The following AGO1 variants were observed in gnomAD, a reference collection of about 807,000 sequenced individuals.
The protein encoded by AGO1 is protein argonaute-1.
Under a neutral mutation model 109.2 loss-of-function variants are expected in AGO1, and 11 were observed. The ratio of observed to expected loss-of-function variants is 0.10; its 90% confidence interval spans 0.06 to 0.17. AGO1 has a LOEUF of 0.17. Among genes scored for constraint, AGO1 ranks in the 10% least tolerant of loss-of-function variants. AGO1 has a pLI of 1.00. For missense variants in AGO1, 574 were observed against 1,140.3 expected (o/e 0.50, Z 7.15); for synonymous variants, 422 against 418.6 (o/e 1.01, Z -0.10).
chr1:35,876,047 A>T (rs111959301), intron 1 of AGO1, among the ~76,000 whole-genome samples: 91 of 152,292 alleles, frequency 6.0e-4, no homozygotes, highest in African/African-American at 2.1e-3. Flanking sequence ...TCATGGGAGG[A>T]GGTCCAAATA....
rs1233660586 is a variant in AGO1, at chr1:35,928,260, TG to T, written c.*8654del. The T allele has an allele frequency of 6.6e-6, 1 of 152,230 alleles. No individual in the cohort carries two copies. The highest frequency in any genetic ancestry group is 1.5e-5 in the Non-Finnish European group (1 of 68,062). 9.4% of individuals were successfully genotyped at this position (152,230 alleles called of 1,614,324 possible). A position where few individuals can be genotyped will look rare whatever the true frequency, so the allele number is the denominator to read the frequency against. Reference sequence around the variant, plus strand: ...TGCTCACTTACTATCCCCATATCTTTGTTGTTTGCATCTTTTACCCATTGTA... The same window carrying T: ...TGCTCACTTACTATCCCCATATCTTTTTGTTTGCATCTTTTACCCATTGTA... On this transcript the variant is annotated 3_prime_UTR_variant, in exon 19 of 19. Transcript: ENST00000373204.
At chr1:35,913,784 A>C in intron 12 of AGO1, 58 bp from the exon 13 acceptor site, 1 of 1,566,882 alleles carries the variant, frequency 6.4e-7, no homozygotes, top group South Asian at 1.2e-5. Flanking sequence ...CCTGGCATCT[A>C]GTAGGCATTC....
intron 1 of AGO1, among the ~76,000 whole-genome samples, chr1:35,884,447 G>C (rs1182089097): frequency 1.3e-5 from 2 of 152,060 alleles, no homozygotes; most frequent in African/African-American, 4.8e-5. Context: ...GTAGTGATGG[G>C]GGCTTTTAAT....
chr1:35,872,580 T>G (rs1057499915), intron 1 of AGO1, among the ~76,000 whole-genome samples: 7 of 151,912 alleles, frequency 4.6e-5, no homozygotes, highest in Non-Finnish European at 1.0e-4. Flanking sequence ...CTATTCTTTT[T>G]TTTTCTTTTA....
At chr1:35,872,666 A>G (rs769704025) in intron 1 of AGO1, among the ~76,000 whole-genome samples, 3 of 151,802 alleles carry the variant, frequency 2.0e-5, no homozygotes, top group Non-Finnish European at 4.4e-5. Flanking sequence ...TCAACTCCTG[A>G]GCTGAAGTGA....
chr1:35,914,235 C>A lies in AGO1; in HGVS notation c.1794C>A (p.His598Gln), dbSNP rs1324407912. Reference sequence around the variant, plus strand: ...TATTCCTGGGAGCAGATGTTACACACCCCCCAGCAGGGGATGGGAAAAAAC... The same window carrying A: ...TATTCCTGGGAGCAGATGTTACACAACCCCCAGCAGGGGATGGGAAAAAAC... ...PVIFLGADVTHPPAGDGKKPS... is the reference protein window; with the variant it reads ...PVIFLGADVTQPPAGDGKKPS... The change falls in exon 14 of 19, where the codon CAC becomes CAA. Residue 598 changes from histidine (H) to glutamine (Q), a missense_variant. Physicochemically the swap from His to Gln is conservative, Grantham distance 24 (BLOSUM62 0). This residue lies in a region of AGO1 where 68 missense variants were observed against 200.2 expected (regional missense o/e 0.34). Transcript: ENST00000373204. 3.1e-6 allele frequency: 5 copies of A among 1,613,672 alleles called. No individual in the cohort carries two copies. Among genetic ancestry groups the A allele is most frequent in the African/African-American group, 1.3e-5 (1 of 74,912 alleles).
chr1:35,919,669 A>C lies in AGO1; in HGVS notation c.*62A>C, dbSNP rs558595376. On this transcript the variant is annotated 3_prime_UTR_variant, in exon 19 of 19. Coordinates refer to ENST00000373204, the MANE Select transcript of AGO1 (RefSeq NM_012199.5). The surrounding 1 kb of genome is among the most constrained non-coding windows in gnomAD (Gnocchi z 6.6). ...CTTTCCAAGCCCCAGGAGCTGTGCC[A>C]CCCAAATCCAGAGGAAGCAAGGAGG... 56 of 1,504,326 alleles carry C rather than the reference A, an allele frequency of 3.7e-5. No individual in the cohort carries two copies. Among genetic ancestry groups the C allele is most frequent in the Admixed American group, 2.5e-4 (13 of 52,524 alleles). The allele number at this position is 1,504,326 out of a possible 1,614,324, so 93.2% of individuals were successfully genotyped here.
At position 35,901,576 on chromosome 1, in the gene AGO1, G is replaced by C. The variant is rs762638025; in HGVS notation, c.1123G>C (p.Glu375Gln). ...ATARSAPDRQEEISRLMKNAS... is the reference protein window; with the variant it reads ...ATARSAPDRQQEISRLMKNAS... Reference sequence around the variant, plus strand: ...AGCTAGATCCGCTCCAGACAGACAGGAGGAGATCAGTCGCCTGGTCAGTGG... The same window carrying C: ...AGCTAGATCCGCTCCAGACAGACAGCAGGAGATCAGTCGCCTGGTCAGTGG... The change falls in exon 9 of 19, where the codon GAG (glutamate) becomes CAG (glutamine). Residue 375 changes from glutamate to glutamine, a missense_variant. Around this residue, in one of 8 missense-constraint regions of AGO1, gnomAD observed 106 missense variants for 147.8 expected, o/e 0.72. Transcript: ENST00000373204. The surrounding 1 kb of genome is among the most constrained non-coding windows in gnomAD (Gnocchi z 4.8). The C allele has an allele frequency of 1.2e-6, 2 of 1,614,166 alleles. No homozygotes were observed. Among genetic ancestry groups the C allele is most frequent in the Non-Finnish European group, 1.7e-6 (2 of 1,180,010 alleles).
upstream of AGO1, among the ~76,000 whole-genome samples, chr1:35,881,288 A>C (rs1645034134): frequency 6.6e-6 from 1 of 152,120 alleles, no homozygotes; most frequent in Non-Finnish European, 1.5e-5. Context: ...AAAACTCTAG[A>C]GGCAGGGCTT....
intron 2 of AGO1, among the ~76,000 whole-genome samples, chr1:35,891,127 ATAGAAG>A (rs1645210588): frequency 6.6e-6 from 1 of 152,186 alleles, no homozygotes; most frequent in Non-Finnish European, 1.5e-5. Flanking sequence ...TGTAGGAGGG[ATAGAAG>A]TAATCAGGGA....
At chr1:35,918,988 C>A in intron 17 of AGO1, 67 bp from the exon 18 acceptor site, 1 of 1,389,424 alleles carries the variant, frequency 7.2e-7, no homozygotes, top group Non-Finnish European at 1.0e-6. Flanking sequence ...TAACAGTGAT[C>A]CTGTTCCCCT....
Position 35,919,709 on chromosome 1 carries a change from G to A in AGO1, c.*102G>A. The A allele has an allele frequency of 1.6e-5, 18 of 1,126,336 alleles. No homozygotes were observed. The highest frequency in any genetic ancestry group is 2.2e-5 in the Non-Finnish European group (17 of 785,344). The allele number at this position is 1,126,336 out of a possible 1,614,324, so 69.8% of individuals were successfully genotyped here. ...AAGCAAGGAGGAGGGAGGTGGGGTA[G>A]GGAGGAGTGTAGGATGCCTTGTTTC... is the stretch of plus-strand genomic sequence containing the variant. On this transcript the variant is annotated 3_prime_UTR_variant, in exon 19 of 19. Coordinates refer to ENST00000373204, the MANE Select transcript of AGO1 (RefSeq NM_012199.5). This position sits in a 1 kb window ranked among gnomAD's most constrained non-coding sequence, Gnocchi z 6.6.
rs573515805 is a variant in AGO1 at position 35,920,055 on chromosome 1, G to C, written c.*448G>C. 6.4e-6 allele frequency: 1 copy of C among 157,364 alleles called. No individual in the cohort carries two copies. The highest frequency in any genetic ancestry group is 2.0e-4 in the South Asian group (1 of 4,960). The allele number at this position is 157,364 out of a possible 1,614,324, so 9.7% of individuals were successfully genotyped here. A position where few individuals can be genotyped will look rare whatever the true frequency, so the allele number is the denominator to read the frequency against. On this transcript the variant is annotated 3_prime_UTR_variant, in exon 19 of 19. Coordinates refer to ENST00000373204, the MANE Select transcript of AGO1 (RefSeq NM_012199.5). ...TGAGAAAGTGGGTGGGAGGAGGGAA[G>C]GATTTTTTAGGAGCCTTAATCAGAA...
chr1:35,893,502 C>A lies in AGO1; in HGVS notation c.513-172C>A. 1.2e-6 allele frequency: 1 copy of A among 837,698 alleles called. No individual in the cohort carries two copies. The highest frequency in any genetic ancestry group is 1.8e-6 in the Non-Finnish European group (1 of 554,640). 51.9% of individuals were successfully genotyped at this position (837,698 alleles called of 1,614,324 possible). ...CCTCATCCCATCTGTCCCTGCAGGG[C>A]AGAGAGAAGGTAGAAACTTGTACAA... On this transcript the variant is annotated intron_variant, in intron 4 of 18. Coordinates refer to ENST00000373204, the MANE Select transcript of AGO1 (RefSeq NM_012199.5). The surrounding 1 kb of genome is among the most constrained non-coding windows in gnomAD (Gnocchi z 5.6).
intron 12 of AGO1, among the ~76,000 whole-genome samples, chr1:35,913,059 G>A (rs1361243842): frequency 1.4e-5 from 2 of 145,894 alleles, no homozygotes; most frequent in Non-Finnish European, 3.0e-5. Context: ...TCACTCTGTC[G>A]CCCAGGCTGG....
chr1:35,903,532 G>A (rs140740659), intron 11 of AGO1, among the ~76,000 whole-genome samples: 9 of 152,178 alleles, frequency 5.9e-5, no homozygotes, highest in Admixed American at 2.6e-4. Flanking sequence ...ATGCCATGAC[G>A]AATTCAGCTG....
chr1:35,875,131 G>T (rs949005008), intron 1 of AGO1, among the ~76,000 whole-genome samples: 10 of 152,240 alleles, frequency 6.6e-5, no homozygotes, highest in Non-Finnish European at 1.0e-4. Flanking sequence ...CAGAGTTTCA[G>T]TGTAGATGAA....
chr1:35,877,266 A>T (rs1050592551), intron 1 of AGO1, among the ~76,000 whole-genome samples: 1 of 152,116 alleles, frequency 6.6e-6, no homozygotes, highest in African/African-American at 2.4e-5. Flanking sequence ...ATACTTCTCT[A>T]GCTTCTTTTC....
At chr1:35,880,110 T>C (rs921825081), upstream of AGO1, among the ~76,000 whole-genome samples, 3 of 152,350 alleles carry the variant, frequency 2.0e-5, no homozygotes, top group South Asian at 6.2e-4. Context: ...CCAAATTTAC[T>C]GATCATTCTA....
Sources: allele counts gnomAD v4.1 joint callset (sites outside exome capture counted in the v4.1 genomes callset), GRCh38; gene constraint gnomAD v4.1.1; regional missense constraint gnomAD v4.1.1; non-coding constraint Gnocchi (gnomAD v3.1); transcripts MANE v1.5; gene names NCBI Gene and HGNC (gene_info 2026-07-23, HGNC 2026-07-21).